PTPRT: variants seen among roughly 807,000 people sequenced by gnomAD.
PTPRT encodes the protein protein tyrosine phosphatase receptor type T, also known as receptor-type tyrosine-protein phosphatase T.
PTPRT carries 56 observed loss-of-function variants against 176.8 expected under a neutral mutation model. The observed-to-expected ratio is 0.32, with a 90% CI of 0.26 to 0.40. The LOEUF is 0.40. Ranked by LOEUF, PTPRT falls within the 10% of genes least tolerant of loss-of-function variation. The pLI is 1.00. For missense variants in PTPRT, 1,540 were observed against 1,908.2 expected (o/e 0.81, Z 3.60); for synonymous variants, 783 against 739.0 (o/e 1.06, Z -0.96).
chr20:42,647,048 C>T (rs1440482556), intron 7 of PTPRT, among the ~76,000 whole-genome samples: 1 of 151,542 alleles, frequency 6.6e-6, no homozygotes, highest in African/African-American at 2.4e-5. Context: ...GGTGTGTTAC[C>T]ATGGCCAGCT....
chr20:43,103,938 A>C (rs2012495535), intron 1 of PTPRT, among the ~76,000 whole-genome samples: 1 of 152,174 alleles, frequency 6.6e-6, no homozygotes, highest in Non-Finnish European at 1.5e-5. Flanking sequence ...TCCTGTGGAA[A>C]ACAAATATCA....
chr20:42,671,242 T>C (rs1045999920), intron 7 of PTPRT, among the ~76,000 whole-genome samples: 1 of 152,150 alleles, frequency 6.6e-6, no homozygotes, highest in African/African-American at 2.4e-5. Context: ...ATGGACACTC[T>C]GTGTATAATC....
chr20:42,518,954 A>G (rs1203519979), intron 7 of PTPRT, among the ~76,000 whole-genome samples: 2 of 152,072 alleles, frequency 1.3e-5, no homozygotes, highest in East Asian at 3.8e-4. Context: ...TGTTGTGAGA[A>G]ATAATATATA....
intron 6 of PTPRT, among the ~76,000 whole-genome samples, chr20:42,744,764 G>A (rs1476627148): frequency 1.3e-5 from 2 of 152,210 alleles, no homozygotes; most frequent in African/African-American, 4.8e-5. Flanking sequence ...GAAATTGTCT[G>A]CATCCAGCTA....
chr20:42,489,008 TTGTGTGTGTGTGTGTGTGTG>T lies in PTPRT; in HGVS notation c.1154-16466_1154-16447del, dbSNP rs56267962. On this transcript the variant is annotated intron_variant, in intron 7 of 30. Transcript: ENST00000373187. ...GAAAAATAAATAAAATCAACCAAGT[TTGTGTGTGTGTGTGTGTGTG>T]TGTGTGTGTGTGTGTGTGTGTGTGT... Among the ~76,000 whole-genome samples the T allele has an allele frequency of 8.6e-3, 1,134 of 131,252 alleles. 27 individuals are homozygous for T. Among genetic ancestry groups the T allele is most frequent in the African/African-American group, 0.029 (1,067 of 36,366 alleles). 86.1% of individuals were successfully genotyped at this position (131,252 alleles called of 152,430 possible).
chr20:42,142,305 C>G (rs79706671), intron 17 of PTPRT, among the ~76,000 whole-genome samples: 4,908 of 152,258 alleles, frequency 0.032, 254 homozygotes, highest in African/African-American at 0.11. Context: ...ACTTACTGAG[C>G]CCCTAACATG....
chr20:42,802,718 A>G (rs1569165002), intron 2 of PTPRT, among the ~76,000 whole-genome samples: 1 of 152,328 alleles, frequency 6.6e-6, no homozygotes, highest in East Asian at 1.9e-4. Flanking sequence ...CCAACATTAC[A>G]AGGGTCATTT....
At chr20:42,149,883 G>A (rs4383399) in intron 17 of PTPRT, among the ~76,000 whole-genome samples, 20,365 of 152,050 alleles carry the variant, frequency 0.13, 3,504 homozygotes, top group African/African-American at 0.4. Flanking sequence ...CTCTCCCTGC[G>A]AGTGCAACCC....
intron 1 of PTPRT, among the ~76,000 whole-genome samples, chr20:43,158,209 C>T (rs2014578866): frequency 6.6e-6 from 1 of 152,018 alleles, no homozygotes; most frequent in Non-Finnish European, 1.5e-5. Flanking sequence ...TGGTATGGGA[C>T]ATAGAGAGGA....
intron 7 of PTPRT, among the ~76,000 whole-genome samples, chr20:42,573,194 C>T (rs2073189441): frequency 6.6e-6 from 1 of 152,130 alleles, no homozygotes; most frequent in African/African-American, 2.4e-5. Flanking sequence ...GTAAGAGAAA[C>T]AAGGTGCATC....
chr20:42,168,235 A>C (rs1009052447), intron 16 of PTPRT, among the ~76,000 whole-genome samples: 2 of 152,172 alleles, frequency 1.3e-5, no homozygotes, highest in Admixed American at 6.5e-5. Flanking sequence ...AGTCAGAAGA[A>C]AATTCATATA....
At chr20:42,384,754 TTA>T (rs2058728672) in intron 9 of PTPRT, among the ~76,000 whole-genome samples, 1 of 152,180 alleles carries the variant, frequency 6.6e-6, no homozygotes, top group East Asian at 1.9e-4. Flanking sequence ...TTACCAACAC[TTA>T]TCTTTTTGTT....
chr20:42,156,390 C>T (rs1748529435), intron 17 of PTPRT, among the ~76,000 whole-genome samples: 1 of 152,192 alleles, frequency 6.6e-6, no homozygotes, highest in South Asian at 2.1e-4. Context: ...TTCTGAAAGG[C>T]CTGGTCCTAG....
At chr20:42,650,457 A>C (rs2075009364) in intron 7 of PTPRT, among the ~76,000 whole-genome samples, 1 of 152,176 alleles carries the variant, frequency 6.6e-6, no homozygotes, top group African/African-American at 2.4e-5. Context: ...TGTCACCTCC[A>C]TCAATCATGA....
chr20:42,620,751 T>C (rs2074178754), intron 7 of PTPRT, among the ~76,000 whole-genome samples: 1 of 152,222 alleles, frequency 6.6e-6, no homozygotes, highest in Non-Finnish European at 1.5e-5. Context: ...GGGAACTCCC[T>C]GACCCCTTGC....
chr20:42,151,921 AG>A (rs1989151281), intron 17 of PTPRT, among the ~76,000 whole-genome samples: 1 of 152,222 alleles, frequency 6.6e-6, no homozygotes, highest in Non-Finnish European at 1.5e-5. Context: ...AATAGCATTT[AG>A]GGAATGGGAA....
intron 1 of PTPRT, among the ~76,000 whole-genome samples, chr20:43,105,001 C>T (rs1379933329): frequency 6.6e-6 from 1 of 152,062 alleles, no homozygotes; most frequent in Non-Finnish European, 1.5e-5. Context: ...CAAAGGGACC[C>T]CTAGTTTCCA....
intron 1 of PTPRT, among the ~76,000 whole-genome samples, chr20:43,108,600 C>A (rs2012718282): frequency 1.3e-5 from 2 of 152,052 alleles, no homozygotes; most frequent in South Asian, 4.2e-4. Flanking sequence ...GATAAGAAAT[C>A]TGCCCCTCAA....
intron 1 of PTPRT, among the ~76,000 whole-genome samples, chr20:43,088,964 A>G (rs1385943869): frequency 6.6e-6 from 1 of 152,092 alleles, no homozygotes; most frequent in East Asian, 1.9e-4. Context: ...GAAAGTGATA[A>G]ATTCTCTAAA....
Sources: allele counts gnomAD v4.1 joint callset (sites outside exome capture counted in the v4.1 genomes callset), GRCh38; gene constraint gnomAD v4.1.1; transcripts MANE v1.5; gene names NCBI Gene and HGNC (gene_info 2026-07-23, HGNC 2026-07-21).